The following RASGRF1 variants were observed in gnomAD, a reference collection of about 807,000 sequenced individuals.
RASGRF1 encodes the protein ras-specific guanine nucleotide-releasing factor 1.
RASGRF1 carries 40 observed loss-of-function variants against 138.7 expected under a neutral mutation model. That is an observed-to-expected ratio of 0.29 (90% CI 0.22 to 0.38). RASGRF1 has a LOEUF of 0.38. Among genes scored for constraint, RASGRF1 ranks in the 10% least tolerant of loss-of-function variants. RASGRF1 has a pLI of 1.00. For missense variants in RASGRF1, 1,108 were observed against 1,650.4 expected, an observed-to-expected ratio of 0.67 and a Z score of 5.69; for synonymous variants, 614 against 663.2, an observed-to-expected ratio of 0.93 and a Z score of 1.14.
intron 26 of RASGRF1, among the ~76,000 whole-genome samples, chr15:78,964,498 A>G (rs2055606291): frequency 6.6e-6 from 1 of 152,150 alleles, no homozygotes; most frequent in African/African-American, 2.4e-5. Context: ...TGTATTGCAC[A>G]TCAAAGTTTA....
chr15:78,990,620 A>G (rs1369538486), intron 21 of RASGRF1, among the ~76,000 whole-genome samples: 1 of 152,250 alleles, frequency 6.6e-6, no homozygotes, highest in East Asian at 1.9e-4. Flanking sequence ...GTTTTCTGAC[A>G]GGGAGAATTC....
chr15:78,962,113 G>T lies in RASGRF1; in HGVS notation c.*31C>A. 1 of 1,378,720 alleles carries T rather than the reference G, an allele frequency of 7.3e-7. No homozygotes were observed. Among genetic ancestry groups the T allele is most frequent in the Non-Finnish European group, 1.0e-6 (1 of 982,200 alleles). 85.4% of individuals were successfully genotyped at this position (1,378,720 alleles called of 1,614,324 possible). On this transcript the variant is annotated 3_prime_UTR_variant, in exon 27 of 27. Transcript: ENST00000558480. ...ACAGTATCATCTAGCACATGTCCCCGGGAGCAGCTGGGTCTGGGCTGGGCT... is the reference window on the plus strand; with the variant it reads ...ACAGTATCATCTAGCACATGTCCCCTGGAGCAGCTGGGTCTGGGCTGGGCT...
At chr15:79,034,007 T>G (rs1042213231) in intron 6 of RASGRF1, among the ~76,000 whole-genome samples, 8 of 152,240 alleles carry the variant, frequency 5.3e-5, no homozygotes, top group Non-Finnish European at 1.2e-4. Context: ...TCTTCAACAA[T>G]GCAACTGCAG....
intron 24 of RASGRF1, chr15:78,980,342 T>A (rs1004961421): frequency 6.4e-5 from 19 of 294,984 alleles, no homozygotes; most frequent in African/African-American, 4.1e-4. Context: ...TCGAGAAATC[T>A]GGCACCACTA....
In RASGRF1 at chr15:79,044,653, T is replaced by C. The variant is rs568965224; in HGVS notation, c.878+2093A>G. Among the ~76,000 whole-genome samples, 221 of 152,362 alleles carry C rather than the reference T, an allele frequency of 1.5e-3. 1 individual carries two copies. The highest frequency in any genetic ancestry group is 6.8e-3 in the Middle Eastern group (2 of 294). ...GGAAAAACAGATTTAGGTAAATCTT[T>C]CCAGTTGCCCTGCTGAAGGATTCCT... On this transcript the variant is annotated intron_variant, in intron 5 of 26. Transcript: ENST00000558480.
In RASGRF1 at chr15:78,979,137, T is replaced by C. The variant is rs749264201; in HGVS notation, c.3494+1483A>G. The stretch of plus-strand genomic sequence containing the variant: ...AGGGGGCAGCTCCCCACAAGCACAG[T>C]CCACAGGGGCTCTCGGGAGCCCAGG... On this transcript the variant is annotated intron_variant, in intron 24 of 26. Transcript: ENST00000558480. 1.6e-5 allele frequency: 21 copies of C among 1,289,552 alleles called. No homozygotes were observed. In the Admixed American group the frequency reaches 3.2e-4, roughly 20 times the overall value. The allele number at this position is 1,289,552 out of a possible 1,614,324, so 79.9% of individuals were successfully genotyped here. A position where few individuals can be genotyped will look rare whatever the true frequency, so the allele number is the denominator to read the frequency against.
intron 23 of RASGRF1, 31 bp from the exon 24 acceptor site, chr15:78,980,730 A>G: frequency 1.3e-6 from 2 of 1,518,478 alleles, no homozygotes; most frequent in South Asian, 2.3e-5. Context: ...TTACTAACAC[A>G]CAGCACACGC....
intron 2 of RASGRF1, among the ~76,000 whole-genome samples, chr15:79,059,282 CCCTTCCCTTCCCTAT>C: frequency 7.5e-6 from 1 of 133,738 alleles, no homozygotes; most frequent in South Asian, 2.7e-4. Flanking sequence ...CCCTATCCTT[CCCTTCCCTTCCCTAT>C]CCTTCCCTTC....
At chr15:79,063,025 C>T (rs1407570180) in intron 2 of RASGRF1, among the ~76,000 whole-genome samples, 1 of 152,200 alleles carries the variant, frequency 6.6e-6, no homozygotes, top group Non-Finnish European at 1.5e-5. Context: ...AATCCCCTTA[C>T]TCAGGCCAAA....
At chr15:79,015,651 A>T (rs2056868219) in intron 12 of RASGRF1, among the ~76,000 whole-genome samples, 1 of 152,258 alleles carries the variant, frequency 6.6e-6, no homozygotes. Context: ...GTTTCATTAT[A>T]TGCAAAGTGG....
chr15:78,973,216 C>T lies in RASGRF1; in HGVS notation c.3612+87G>A. On this transcript the variant is annotated intron_variant, in intron 25 of 26. Transcript: ENST00000558480. This position sits in a 1 kb window ranked among gnomAD's most constrained non-coding sequence, Gnocchi z 4.9. ...GGGCACCCTATGCAGCAGGTTGGGCCTTGGGGGGCAGAGTGTGGGTGGGCC... is the reference window on the plus strand; with the variant it reads ...GGGCACCCTATGCAGCAGGTTGGGCTTTGGGGGGCAGAGTGTGGGTGGGCC... 1 of 1,137,144 alleles carries T rather than the reference C, an allele frequency of 8.8e-7. No individual in the cohort carries two copies. Among genetic ancestry groups the T allele is most frequent in the Non-Finnish European group, 1.3e-6 (1 of 790,052 alleles). 70.4% of individuals were successfully genotyped at this position (1,137,144 alleles called of 1,614,324 possible).
intron 1 of RASGRF1, among the ~76,000 whole-genome samples, chr15:79,068,598 A>G (rs2057712315): frequency 6.8e-6 from 1 of 146,878 alleles, no homozygotes; most frequent in Admixed American, 7.2e-5. Context: ...ATATATATTT[A>G]TATATATGTG....
chr15:79,062,363 C>A (rs2057618946), intron 2 of RASGRF1, among the ~76,000 whole-genome samples: 1 of 152,130 alleles, frequency 6.6e-6, no homozygotes, highest in Admixed American at 6.5e-5. Flanking sequence ...ACATCATGAG[C>A]AATTTTCAAT....
At chr15:78,965,464 G>A (rs2055625378) in intron 26 of RASGRF1, among the ~76,000 whole-genome samples, 1 of 152,170 alleles carries the variant, frequency 6.6e-6, no homozygotes, top group Non-Finnish European at 1.5e-5. Flanking sequence ...ATGAGTTCTT[G>A]CATCAGACAG....
chr15:79,005,339 C>T, intron 14 of RASGRF1: 2 of 985,440 alleles, frequency 2.0e-6, no homozygotes, highest in Non-Finnish European at 2.4e-6. Context: ...GAGCTCTGCT[C>T]CAGGCAGCCC....
chr15:79,074,437 A>C (rs1321814062), intron 1 of RASGRF1, among the ~76,000 whole-genome samples: 2 of 152,234 alleles, frequency 1.3e-5, no homozygotes, highest in African/African-American at 4.8e-5. Context: ...GGCTTAGCCC[A>C]GTATTGCAAG....
At chr15:78,979,033 C>G in intron 24 of RASGRF1, 20 of 1,293,028 alleles carry the variant, frequency 1.5e-5, no homozygotes, top group Non-Finnish European at 1.9e-5. Flanking sequence ...CGGCGGCAGA[C>G]GAGGAAGCCA....
In RASGRF1 at chr15:79,027,670, G is replaced by T; in HGVS notation, c.1381+71C>A. 7.0e-7 allele frequency: 1 copy of T among 1,419,996 alleles called. No individual in the cohort carries two copies. The highest frequency in any genetic ancestry group is 1.2e-5 in the South Asian group (1 of 84,512). 88.0% of individuals were successfully genotyped at this position (1,419,996 alleles called of 1,614,324 possible). ...AGCCAAACCAACTGGTGGCGTCCCC[G>T]AGTGCCGCCTCCCTCCCGCTGCTGG... On this transcript the variant is annotated intron_variant, in intron 9 of 26. Coordinates refer to ENST00000558480, the MANE Select transcript of RASGRF1 (RefSeq NM_001145648.3). The surrounding 1 kb of genome is among the most constrained non-coding windows in gnomAD (Gnocchi z 4.8).
intron 13 of RASGRF1, 126 bp downstream of exon 13, chr15:79,015,201 C>T: frequency 1.2e-6 from 1 of 832,868 alleles, no homozygotes; most frequent in Non-Finnish European, 1.9e-6. Flanking sequence ...ATCCAAAACA[C>T]CCCCAAAGAC....
Sources: allele counts gnomAD v4.1 joint callset (sites outside exome capture counted in the v4.1 genomes callset), GRCh38; gene constraint gnomAD v4.1.1; non-coding constraint Gnocchi (gnomAD v3.1); transcripts MANE v1.5; gene names NCBI Gene and HGNC (gene_info 2026-07-23, HGNC 2026-07-21).